ZNF568: variants seen among roughly 807,000 people sequenced by gnomAD.
The protein encoded by ZNF568 is zinc finger protein 568, also known as p53 inhibitor of SCO2 activation.
ZNF568 carries 11 observed loss-of-function variants against 18.1 expected under a neutral mutation model. The ratio of observed to expected loss-of-function variants is 0.61; its 90% confidence interval spans 0.38 to 1.00. ZNF568 has a LOEUF of 1.00. Among genes scored for constraint, ZNF568 ranks in the 50% least tolerant of loss-of-function variants. The pLI is 0.01. For synonymous variants in ZNF568, 213 were observed against 246.6 expected (o/e 0.86, Z 1.28); for missense variants, 639 against 768.2 (o/e 0.83, Z 1.99).
chr19:36,948,658 A>ATTTTTGTTTTTTTT (rs2074004601), intron 6 of ZNF568, among the ~76,000 whole-genome samples: 1 of 83,576 alleles, frequency 1.2e-5, no homozygotes, highest in African/African-American at 4.8e-5. Flanking sequence ...TTTGTTGTTG[A>ATTTTTGTTTTTTTT]TTTTTTTTTT....
chr19:36,920,107 GGCC>G (rs1568377458), intron 2 of ZNF568, among the ~76,000 whole-genome samples: 13 of 152,132 alleles, frequency 8.5e-5, no homozygotes, highest in African/African-American at 3.1e-4. Flanking sequence ...CTTCCAGTGG[GGCC>G]AGATGTGGAG....
intron 2 of ZNF568, among the ~76,000 whole-genome samples, chr19:36,919,406 A>G (rs1223640813): frequency 6.6e-6 from 1 of 151,988 alleles, no homozygotes; most frequent in Non-Finnish European, 1.5e-5. Context: ...GGCACCAGGG[A>G]GTGGTTTTGT....
rs71668344 is a variant in ZNF568, at chr19:36,951,670, C to CTTTTTTTTTTTTTTTTTTTTTTTTTTTT, written c.*604_*605insTTTTTTTTTTTTTTTTTTTTTTTTTTTT. 1 of 111,690 alleles carries CTTTTTTTTTTTTTTTTTTTTTTTTTTTT rather than the reference C, an allele frequency of 9.0e-6. No individual in the cohort carries two copies. The allele number at this position is 111,690 out of a possible 1,614,324, so 6.9% of individuals were successfully genotyped here. A position where few individuals can be genotyped will look rare whatever the true frequency, so the allele number is the denominator to read the frequency against. ...TACGACATACTAAAAAATCAATATT[C>CTTTTTTTTTTTTTTTTTTTTTTTTTTTT]TTTTTTTTTTTTTTTTTTTTTTGAG... is the stretch of plus-strand genomic sequence containing the variant. On this transcript the variant is annotated 3_prime_UTR_variant, in exon 7 of 7. Transcript: ENST00000333987.
At chr19:36,938,420 T>C (rs1040194391) in intron 6 of ZNF568, among the ~76,000 whole-genome samples, 62 of 152,272 alleles carry the variant, frequency 4.1e-4, no homozygotes, top group African/African-American at 1.5e-3. Context: ...ATAGCTTTCA[T>C]ATATACTTCA....
At chr19:36,964,425 A>G (rs547760443) in intron 6 of ZNF568, among the ~76,000 whole-genome samples, 1 of 152,214 alleles carries the variant, frequency 6.6e-6, no homozygotes, top group Non-Finnish European at 1.5e-5. Context: ...GTTTCTGAAT[A>G]TCTCTTAAAG....
intron 2 of ZNF568, among the ~76,000 whole-genome samples, chr19:36,921,945 A>C (rs1354387620): frequency 6.6e-6 from 1 of 152,200 alleles, no homozygotes; most frequent in Non-Finnish European, 1.5e-5. Context: ...TAGACACAGA[A>C]GATATCTGAA....
intron 6 of ZNF568, among the ~76,000 whole-genome samples, chr19:36,971,311 A>ATATCAGTCTTGTGTTTCATT (rs1568402163): frequency 6.7e-6 from 1 of 148,896 alleles, no homozygotes; most frequent in Non-Finnish European, 1.5e-5. Context: ...TTGCTCTTGT[A>ATATCAGTCTTGTGTTTCATT]TATCAGTCTT....
At chr19:36,986,199 C>A (rs2595545) in intron 2 of ZNF568, among the ~76,000 whole-genome samples, 81,095 of 151,990 alleles carry the variant, frequency 0.53, 22,161 homozygotes, top group African/African-American at 0.62. Flanking sequence ...GCCAAGGTTC[C>A]AGTCAGGCAG....
downstream of ZNF568, among the ~76,000 whole-genome samples, chr19:36,953,504 G>A (rs2074084028): frequency 6.6e-6 from 1 of 152,138 alleles, no homozygotes; most frequent in South Asian, 2.1e-4. Context: ...CTCTTGAAGA[G>A]TCTCATTCTC....
intron 2 of ZNF568, among the ~76,000 whole-genome samples, chr19:36,918,189 C>G (rs2073385894): frequency 6.6e-6 from 1 of 152,074 alleles, no homozygotes; most frequent in South Asian, 2.1e-4. Context: ...CGTGATTTGC[C>G]GACCTCAGCC....
intron 3 of ZNF568, among the ~76,000 whole-genome samples, chr19:36,924,592 G>T (rs2073519073): frequency 6.7e-6 from 1 of 148,802 alleles, no homozygotes; most frequent in African/African-American, 2.5e-5. Flanking sequence ...ACTTTGGGAG[G>T]CCGAGGCAAA....
chr19:36,977,368 A>G (rs1271588792), intron 7 of ZNF568, among the ~76,000 whole-genome samples: 1 of 151,826 alleles, frequency 6.6e-6, no homozygotes, highest in African/African-American at 2.4e-5. Flanking sequence ...TATATTTTAA[A>G]GAGTGGCATG....
At chr19:36,941,915 C>CT (rs918765536) in intron 6 of ZNF568, among the ~76,000 whole-genome samples, 9 of 151,732 alleles carry the variant, frequency 5.9e-5, no homozygotes, top group Non-Finnish European at 1.2e-4. Flanking sequence ...TTATTTTTGA[C>CT]TTTTTTTAAC....
At chr19:36,962,388 T>C (rs143008881) in intron 6 of ZNF568, among the ~76,000 whole-genome samples, 84 of 143,828 alleles carry the variant, frequency 5.8e-4, no homozygotes, top group African/African-American at 2.1e-3. Flanking sequence ...CCACCCAGGC[T>C]GGAATGTAGT....
intron 4 of ZNF568, among the ~76,000 whole-genome samples, chr19:36,927,903 A>ATTT (rs71177414): frequency 2.6e-4 from 7 of 26,616 alleles, no homozygotes; most frequent in African/African-American, 1.0e-3. Flanking sequence ...ATATATATAT[A>ATTT]TTTTTTTTTT....
At chr19:36,990,497 C>T (rs2074414092) in intron 2 of ZNF568, among the ~76,000 whole-genome samples, 1 of 152,132 alleles carries the variant, frequency 6.6e-6, no homozygotes, top group South Asian at 2.1e-4. Flanking sequence ...TGCCTGTGGT[C>T]CCAGCTACTC....
At chr19:36,974,566 A>G in intron 7 of ZNF568, 1 of 1,251,230 alleles carries the variant, frequency 8.0e-7, no homozygotes, top group Non-Finnish European at 1.1e-6. Flanking sequence ...CATGATTTGG[A>G]CAAAGGGGAA....
At chr19:36,989,343 C>T (rs62108411) in intron 2 of ZNF568, among the ~76,000 whole-genome samples, 5 of 152,026 alleles carry the variant, frequency 3.3e-5, no homozygotes, top group South Asian at 2.1e-4. Context: ...CCACCATGCC[C>T]GGCTAATTTT....
At chr19:36,972,216 T>G (rs2074241871) in intron 6 of ZNF568, among the ~76,000 whole-genome samples, 1 of 152,146 alleles carries the variant, frequency 6.6e-6, no homozygotes, top group Admixed American at 6.5e-5. Context: ...TGCTTTTATT[T>G]TAGTAGCACT....
Sources: gnomAD v4.1 joint callset for allele counts (sites outside exome capture counted in the v4.1 genomes callset) on GRCh38, gnomAD v4.1.1 for gene constraint, MANE v1.5 for transcripts, NCBI Gene and HGNC (gene_info 2026-07-23, HGNC 2026-07-21) for gene names.